BIRC6: variants seen among roughly 807,000 people sequenced by gnomAD.
The protein encoded by BIRC6 is dual E2 ubiquitin-conjugating enzyme/E3 ubiquitin-protein ligase BIRC6.
Under a neutral mutation model 503.3 loss-of-function variants are expected in BIRC6, and 98 were observed. The observed-to-expected ratio is 0.19, with a 90% CI of 0.17 to 0.23. BIRC6 has a LOEUF of 0.23. Among genes scored for constraint, BIRC6 ranks in the 10% least tolerant of loss-of-function variants. BIRC6 has a pLI of 1.00. For missense variants in BIRC6, 5,360 were observed against 5,806.0 expected (o/e 0.92, Z 2.50); for synonymous variants, 2,240 against 2,078.7 (o/e 1.08, Z -2.11).
intron 54 of BIRC6, among the ~76,000 whole-genome samples, chr2:32,513,873 A>C (rs10172348): frequency 1 from 152,097 of 152,100 alleles, 76,047 homozygotes; most frequent in Middle Eastern, 1. Flanking sequence ...TGCACCATTG[A>C]ACTCAAGCCT....
rs776666613 is a variant in BIRC6, at chr2:32,464,734, G to C, written c.5167G>C (p.Glu1723Gln). The change falls in exon 25 of 74, where the codon GAA (glutamate) becomes CAA (glutamine). Residue 1723 changes from glutamate to glutamine, a missense_variant. Physicochemically the swap from Glu to Gln is conservative, Grantham distance 29. This residue lies in a region of BIRC6 where 2,299 missense variants were observed against 2,267.2 expected (regional missense o/e 1.01). Coordinates refer to ENST00000421745, the MANE Select transcript of BIRC6 (RefSeq NM_016252.4). ...AGCAGTTTCCGTTGTGATTAATGCC[G>C]AACTTGCACAGCTTTTCCCAGGCTC... Reference protein sequence around the residue: ...NEAVSVVINAELAQLFPGSVI... With the variant: ...NEAVSVVINAQLAQLFPGSVI... 6.2e-7 allele frequency: 1 copy of C among 1,613,838 alleles called. No individual in the cohort carries two copies. The highest frequency in any genetic ancestry group is 8.5e-7 in the Non-Finnish European group (1 of 1,179,902).
intron 72 of BIRC6, 89 bp from the exon 73 acceptor site, chr2:32,611,359 A>G: frequency 2.2e-6 from 2 of 912,492 alleles, no homozygotes; most frequent in Non-Finnish European, 3.0e-6. Context: ...TGTATTTATA[A>G]TACATTTTAC....
chr2:32,452,260 G>A (rs2046808398), intron 22 of BIRC6, among the ~76,000 whole-genome samples: 1 of 152,124 alleles, frequency 6.6e-6, no homozygotes, highest in African/African-American at 2.4e-5. Context: ...ACATTTTAAA[G>A]AGATTTTTAA....
At chr2:32,531,712 A>C (rs2056769867) in intron 61 of BIRC6, among the ~76,000 whole-genome samples, 161 bp downstream of exon 61, 1 of 152,214 alleles carries the variant, frequency 6.6e-6, no homozygotes, top group African/African-American at 2.4e-5. Flanking sequence ...GTCTGTACAG[A>C]GCTTCATGAC....
chr2:32,599,471 C>T (rs533522066), intron 69 of BIRC6, among the ~76,000 whole-genome samples: 14 of 151,996 alleles, frequency 9.2e-5, no homozygotes, highest in Non-Finnish European at 1.8e-4. Context: ...GAACTGGTCT[C>T]TACTAAAAAT....
intron 61 of BIRC6, among the ~76,000 whole-genome samples, chr2:32,543,019 C>A (rs1018652893): frequency 6.6e-6 from 1 of 152,092 alleles, no homozygotes; most frequent in Non-Finnish European, 1.5e-5. Context: ...AGGCTGGTCT[C>A]GAGTTCCTGA....
intron 65 of BIRC6, among the ~76,000 whole-genome samples, chr2:32,568,775 CAG>C (rs1208876823): frequency 1.3e-5 from 2 of 150,866 alleles, no homozygotes; most frequent in South Asian, 2.1e-4. Flanking sequence ...ACCCTGGAGA[CAG>C]AGGTTGCAGT....
At chr2:32,365,905 G>A (rs1002033891) in intron 1 of BIRC6, among the ~76,000 whole-genome samples, 54 of 150,764 alleles carry the variant, frequency 3.6e-4, no homozygotes, top group African/African-American at 1.3e-3. Context: ...TATTTTTTGA[G>A]ATGAATTCTT....
intron 4 of BIRC6, among the ~76,000 whole-genome samples, chr2:32,391,454 A>C (rs973046914): frequency 6.6e-6 from 1 of 152,242 alleles, no homozygotes; most frequent in African/African-American, 2.4e-5. Flanking sequence ...GAAACTGAGA[A>C]TGCATTTCTA....
intron 10 of BIRC6, among the ~76,000 whole-genome samples, chr2:32,428,797 T>TA (rs1380278385): frequency 1.3e-5 from 2 of 152,220 alleles, no homozygotes; most frequent in Non-Finnish European, 2.9e-5. Context: ...CCAGTATAGC[T>TA]AGTGCCTCAT....
At chr2:32,604,895 CTTTTT>C (rs11288979) in intron 71 of BIRC6, among the ~76,000 whole-genome samples, 1 of 133,562 alleles carries the variant, frequency 7.5e-6, no homozygotes, top group Non-Finnish European at 1.6e-5. Flanking sequence ...CTTTTCTTTT[CTTTTT>C]TTTTTTTTTG....
rs550577974 is a variant in BIRC6 at position 32,550,154 on chromosome 2, A to C, written c.13144+673A>C. Among the ~76,000 whole-genome samples, 5 of 152,248 alleles carry C rather than the reference A, an allele frequency of 3.3e-5. No individual in the cohort carries two copies. In the Middle Eastern group the frequency reaches 0.01, roughly 311 times the overall value. On this transcript the variant is annotated intron_variant, in intron 65 of 73. Coordinates refer to ENST00000421745, the MANE Select transcript of BIRC6 (RefSeq NM_016252.4). The stretch of plus-strand genomic sequence containing the variant: ...CAAAACCTTTATTATTTATTGTTTC[A>C]ACTCTGTTTTACTCATATTCTTATC...
chr2:32,495,397 T>C (rs1054447895), intron 45 of BIRC6, among the ~76,000 whole-genome samples: 5 of 152,150 alleles, frequency 3.3e-5, no homozygotes, highest in African/African-American at 1.2e-4. Flanking sequence ...AGAATGTTAG[T>C]TTATGTTTGT....
At position 32,534,803 on chromosome 2, in the gene BIRC6, A is replaced by G. The variant is rs1308763049; in HGVS notation, c.12291+3252A>G. On this transcript the variant is annotated intron_variant, in intron 61 of 73. Transcript: ENST00000421745. ...AGAAAGTGTAAGGAATGAGAAGAAC[A>G]TAAGAGCTGTATGGACTGAAGTGAA... Among the ~76,000 whole-genome samples, 5 of 151,542 alleles carry G rather than the reference A, an allele frequency of 3.3e-5. No homozygotes were observed. The South Asian group carries it at 6.3e-4, about 19-fold the overall frequency.
chr2:32,518,433 C>T (rs1211289564), intron 56 of BIRC6, 36 bp downstream of exon 56: 2 of 1,574,440 alleles, frequency 1.3e-6, no homozygotes, highest in Non-Finnish European at 1.7e-6. Context: ...GCTGTGTATA[C>T]ATGTATTTTA....
At chr2:32,530,522 T>G (rs1296853250) in intron 60 of BIRC6, among the ~76,000 whole-genome samples, 4 of 152,228 alleles carry the variant, frequency 2.6e-5, no homozygotes, top group Non-Finnish European at 4.4e-5. Context: ...TATATTCCAT[T>G]AAATATTTTT....
intron 22 of BIRC6, among the ~76,000 whole-genome samples, chr2:32,453,071 C>CA (rs578078408): frequency 0.044 from 6,029 of 136,458 alleles, 262 homozygotes; most frequent in African/African-American, 0.12. Flanking sequence ...GTGCTAATTC[C>CA]AAAAAAAAAA....
intron 57 of BIRC6, among the ~76,000 whole-genome samples, chr2:32,520,634 A>T (rs1290733666): frequency 1.3e-5 from 2 of 152,154 alleles, no homozygotes; most frequent in African/African-American, 4.8e-5. Context: ...CCCTGCCAAG[A>T]TGGGGAAACA....
At position 32,468,028 on chromosome 2, in the gene BIRC6, G is replaced by C; in HGVS notation, c.5697G>C (p.Lys1899Asn). The change falls in exon 28 of 74, where the codon AAG (lysine) becomes AAC (asparagine). Residue 1899 changes from lysine (K) to asparagine (N), a missense_variant. Physicochemically the swap from Lys to Asn is moderately conservative, Grantham distance 94. Transcript: ENST00000421745. The stretch of plus-strand genomic sequence containing the variant: ...TGAAGTTAATGCATGATCCTCTAAA[G>C]GGAGAGGGAGAATCTGCAAACCAGC... ...SELKLMHDPL[K>N]GEGESANQPE... 6.2e-7 allele frequency: 1 copy of C among 1,613,866 alleles called. No homozygotes were observed. Among genetic ancestry groups the C allele is most frequent in the Non-Finnish European group, 8.5e-7 (1 of 1,179,854 alleles).
Sources: allele counts gnomAD v4.1 joint callset (sites outside exome capture counted in the v4.1 genomes callset), GRCh38; gene constraint gnomAD v4.1.1; regional missense constraint gnomAD v4.1.1; transcripts MANE v1.5; gene names NCBI Gene and HGNC (gene_info 2026-07-23, HGNC 2026-07-21).